The following ATXN1 variants were observed in gnomAD, a reference collection of about 807,000 sequenced individuals.
ATXN1 encodes the protein ataxin 1, also known as ataxin-1.
In ATXN1, 8 loss-of-function variants were observed where a neutral mutation model predicts 56.4. That is an observed-to-expected ratio of 0.14 (90% CI 0.08 to 0.26). The LOEUF is 0.26. Ranked by LOEUF, ATXN1 falls within the 10% of genes least tolerant of loss-of-function variation. ATXN1 has a pLI of 1.00. For missense variants in ATXN1, 987 were observed against 1,106.5 expected (o/e 0.89, Z 1.53); for synonymous variants, 514 against 494.6 (o/e 1.04, Z -0.52).
Position 16,302,719 on chromosome 6 carries a change from T to C in ATXN1, c.*3610A>G, listed in dbSNP as rs1760140976. ...CTAATTTCTTGGTGATTGTGTTCCA[T>C]TGTAAACGCAAAAGGCCTGCTGTTA... On this transcript the variant is annotated 3_prime_UTR_variant, in exon 8 of 8. Coordinates refer to ENST00000436367, the MANE Select transcript of ATXN1 (RefSeq NM_001128164.2). 2.0e-5 allele frequency: 3 copies of C among 152,656 alleles called. No homozygotes were observed. Among genetic ancestry groups the C allele is most frequent in the African/African-American group, 7.2e-5 (3 of 41,452 alleles). 9.5% of individuals were successfully genotyped at this position (152,656 alleles called of 1,614,324 possible). A position where few individuals can be genotyped will look rare whatever the true frequency, so the allele number is the denominator to read the frequency against.
chr6:16,752,110 T>A (rs1031636692), intron 2 of ATXN1, among the ~76,000 whole-genome samples: 5 of 152,222 alleles, frequency 3.3e-5, no homozygotes, highest in Non-Finnish European at 1.5e-5. Context: ...GCTCTTACGG[T>A]AAAGAGGCAG....
chr6:16,556,861 A>G (rs1420308690), intron 4 of ATXN1, among the ~76,000 whole-genome samples: 1 of 152,260 alleles, frequency 6.6e-6, no homozygotes, highest in Non-Finnish European at 1.5e-5. Flanking sequence ...GAGCAAGTCA[A>G]TTGAACAACT....
intron 2 of ATXN1, among the ~76,000 whole-genome samples, chr6:16,722,076 T>C (rs1000471736): frequency 6.6e-6 from 1 of 152,204 alleles, no homozygotes; most frequent in Non-Finnish European, 1.5e-5. Context: ...TTCGTTCTTC[T>C]AGCCAGCCTA....
At chr6:16,334,738 T>C (rs1761078981) in intron 6 of ATXN1, among the ~76,000 whole-genome samples, 1 of 151,932 alleles carries the variant, frequency 6.6e-6, no homozygotes, top group African/African-American at 2.4e-5. Flanking sequence ...AAGAAAACAA[T>C]GTTCAGAATA....
chr6:16,711,533 T>C (rs543896973), intron 2 of ATXN1, among the ~76,000 whole-genome samples: 1 of 151,546 alleles, frequency 6.6e-6, no homozygotes, highest in African/African-American at 2.4e-5. Flanking sequence ...AACTCATATA[T>C]ATACACATAT....
At chr6:16,543,719 T>C (rs1467891184) in intron 4 of ATXN1, among the ~76,000 whole-genome samples, 1 of 151,670 alleles carries the variant, frequency 6.6e-6, no homozygotes, top group Non-Finnish European at 1.5e-5. Flanking sequence ...GCATTACTAC[T>C]TGATGCTTTT....
intron 4 of ATXN1, among the ~76,000 whole-genome samples, chr6:16,536,869 T>C (rs1032133377): frequency 2.0e-5 from 3 of 152,236 alleles, no homozygotes; most frequent in Non-Finnish European, 4.4e-5. Flanking sequence ...CTTGGATGGA[T>C]TTCAGCACTG....
chr6:16,518,026 G>A (rs1761217854), intron 5 of ATXN1, among the ~76,000 whole-genome samples: 1 of 152,244 alleles, frequency 6.6e-6, no homozygotes, highest in Admixed American at 6.5e-5. Flanking sequence ...TGCAGTCCAT[G>A]AGACCGACAA....
At chr6:16,443,208 CAA>C (rs70999325) in intron 6 of ATXN1, among the ~76,000 whole-genome samples, 2,263 of 40,650 alleles carry the variant, frequency 0.056, 27 homozygotes, top group East Asian at 0.15. Context: ...TCTATTGGAG[CAA>C]AAAAAAAAAA....
intron 6 of ATXN1, among the ~76,000 whole-genome samples, chr6:16,454,218 A>G (rs775155427): frequency 1.3e-5 from 2 of 151,506 alleles, no homozygotes; most frequent in Non-Finnish European, 2.9e-5. Flanking sequence ...TGATTTAGGT[A>G]CAGGGATAGA....
At chr6:16,527,218 C>G (rs956423271) in intron 4 of ATXN1, among the ~76,000 whole-genome samples, 2 of 152,084 alleles carry the variant, frequency 1.3e-5, no homozygotes, top group African/African-American at 2.4e-5. Flanking sequence ...CATACCTCCC[C>G]CCGCGACTAG....
At chr6:16,372,421 C>A (rs930930464) in intron 6 of ATXN1, among the ~76,000 whole-genome samples, 2 of 152,118 alleles carry the variant, frequency 1.3e-5, no homozygotes, top group African/African-American at 4.8e-5. Flanking sequence ...AACTGCAAAC[C>A]GAGTGAAAGC....
chr6:16,626,975 T>C (rs902066093), intron 3 of ATXN1, among the ~76,000 whole-genome samples: 2 of 152,214 alleles, frequency 1.3e-5, no homozygotes, highest in African/African-American at 4.8e-5. Flanking sequence ...GAAAATAAGT[T>C]TGTGCTGTTT....
chr6:16,478,724 A>T (rs1028208254), intron 6 of ATXN1, among the ~76,000 whole-genome samples: 4 of 150,234 alleles, frequency 2.7e-5, no homozygotes, highest in African/African-American at 7.3e-5. Context: ...GAGAAATTAC[A>T]TTTTTTTTTT....
chr6:16,440,648 A>AAAAAAAAAGAAAAAAAAAAGAAAG, intron 6 of ATXN1, among the ~76,000 whole-genome samples: 1 of 118,570 alleles, frequency 8.4e-6, no homozygotes, highest in South Asian at 3.0e-4. Context: ...CTTAAAAAAA[A>AAAAAAAAAGAAAAAAAAAAGAAAG]AAAAGAAAAG....
chr6:16,584,356 T>A, intron 4 of ATXN1, among the ~76,000 whole-genome samples: 1 of 151,380 alleles, frequency 6.6e-6, no homozygotes, highest in Non-Finnish European at 1.5e-5. Context: ...TAACTTCAGA[T>A]ACATATCTAA....
chr6:16,598,186 T>A (rs1762848280), intron 3 of ATXN1, among the ~76,000 whole-genome samples: 1 of 152,198 alleles, frequency 6.6e-6, no homozygotes, highest in Non-Finnish European at 1.5e-5. Context: ...AGACATTTTT[T>A]AAAAAATGAA....
chr6:16,395,317 T>A, intron 6 of ATXN1, among the ~76,000 whole-genome samples: 1 of 145,048 alleles, frequency 6.9e-6, no homozygotes, highest in South Asian at 2.2e-4. Flanking sequence ...AAACTCATCA[T>A]CATCCCTCAT....
At chr6:16,433,785 C>T (rs1271701357) in intron 6 of ATXN1, among the ~76,000 whole-genome samples, 1 of 152,238 alleles carries the variant, frequency 6.6e-6, no homozygotes, top group Admixed American at 6.5e-5. Context: ...GCCAGAGTGA[C>T]AGTCTGCAGA....
Sources: allele counts gnomAD v4.1 joint callset (sites outside exome capture counted in the v4.1 genomes callset), GRCh38; gene constraint gnomAD v4.1.1; transcripts MANE v1.5; gene names NCBI Gene and HGNC (gene_info 2026-07-23, HGNC 2026-07-21).